The following EYS variants were observed in gnomAD, a reference collection of about 807,000 sequenced individuals.
The protein encoded by EYS is EGF-like photoreceptor maintenance factor, also known as protein eyes shut homolog.
EYS carries 250 observed loss-of-function variants against 282.1 expected under a neutral mutation model. The observed-to-expected ratio is 0.89, with a 90% CI of 0.80 to 0.98. The LOEUF (loss-of-function observed/expected upper bound fraction) is 0.98, where lower values mean the gene tolerates loss of function less well. Among genes scored for constraint, EYS ranks in the 50% least tolerant of loss-of-function variants. The probability of loss-of-function intolerance (pLI) is 0.00; values close to 1 mark genes in which losing one functional copy is unlikely to be tolerated. For missense variants in EYS, 4,016 were observed against 3,709.0 expected (o/e 1.08, Z -2.15); for synonymous variants, 1,355 against 1,282.9 (o/e 1.06, Z -1.20).
At chr6:64,196,735 G>A (rs1765300437) in intron 31 of EYS, among the ~76,000 whole-genome samples, 1 of 146,678 alleles carries the variant, frequency 6.8e-6, no homozygotes, top group Non-Finnish European at 1.5e-5. Flanking sequence ...CACACTCTGG[G>A]GACTGTGGTG....
intron 26 of EYS, among the ~76,000 whole-genome samples, chr6:64,542,331 T>A (rs2149799796): frequency 6.6e-6 from 1 of 152,218 alleles, no homozygotes; most frequent in South Asian, 2.1e-4. Context: ...GCTTACCAAT[T>A]TATTATTCTG....
In EYS at chr6:63,721,335, C is replaced by G; in HGVS notation, c.8696G>C (p.Cys2899Ser). ...TCCAGCCCAATCTGGCAAACATCTG[C>G]AAGAAAAAGTTGTGCCATTTACTGT... ...ECTVNGTTFS[C>S]RCLPDWAGNT... is the part of the protein sequence containing the mutation. Residue 2899 changes from cysteine to serine, a missense_variant, in exon 43 of 43, where the codon TGC becomes TCC. Physicochemically the swap from Cys to Ser is moderately radical, Grantham distance 112 (BLOSUM62 -1). Coordinates refer to ENST00000503581, the MANE Select transcript of EYS (RefSeq NM_001142800.2). 6.4e-7 allele frequency: 1 copy of G among 1,551,972 alleles called. No individual in the cohort carries two copies. The highest frequency in any genetic ancestry group is 2.4e-5 in the East Asian group (1 of 40,920).
chr6:65,365,298 C>G (rs12204984), intron 8 of EYS, among the ~76,000 whole-genome samples: 29,665 of 151,562 alleles, frequency 0.2, 3,800 homozygotes, highest in Non-Finnish European at 0.27. Flanking sequence ...TTTGGCCCTC[C>G]ATCTGCCTGC....
At chr6:64,333,414 G>A (rs771808495) in intron 29 of EYS, among the ~76,000 whole-genome samples, 6 of 152,128 alleles carry the variant, frequency 3.9e-5, no homozygotes, top group Non-Finnish European at 4.4e-5. Context: ...GTCAGCAGCA[G>A]AGCCACCAAG....
intron 11 of EYS, among the ~76,000 whole-genome samples, chr6:65,320,636 A>T (rs1445552658): frequency 1.3e-5 from 2 of 152,212 alleles, no homozygotes; most frequent in Admixed American, 6.5e-5. Context: ...GTAGAAACAG[A>T]GAAGTGCATC....
intron 10 of EYS, among the ~76,000 whole-genome samples, chr6:65,336,606 T>C (rs921143663): frequency 1.3e-5 from 2 of 148,404 alleles, no homozygotes; most frequent in South Asian, 2.1e-4. Context: ...GAAAATCTAT[T>C]TGTGGTTTTG....
Position 63,762,427 on chromosome 6 carries a change from G to C in EYS, c.8071+34C>G, listed in dbSNP as rs748277036. ...GAAGTTCCTAATTTTAGTTATATTTGTGGACAGCAAAATGATTTGAAATTC... is the reference window on the plus strand; with the variant it reads ...GAAGTTCCTAATTTTAGTTATATTTCTGGACAGCAAAATGATTTGAAATTC... On this transcript the variant is annotated intron_variant, in intron 41 of 42. Coordinates refer to ENST00000503581, the MANE Select transcript of EYS (RefSeq NM_001142800.2). 8.4e-6 allele frequency: 13 copies of C among 1,540,116 alleles called. No homozygotes were observed. In the Admixed American group the frequency reaches 1.6e-4, roughly 19 times the overall value.
chr6:64,745,834 G>A (rs1486496131), intron 22 of EYS, among the ~76,000 whole-genome samples: 1 of 152,102 alleles, frequency 6.6e-6, no homozygotes, highest in Non-Finnish European at 1.5e-5. Flanking sequence ...TCTAAGTGTA[G>A]AGAAGAATCA....
intron 5 of EYS, among the ~76,000 whole-genome samples, chr6:65,414,692 A>G (rs975815592): frequency 6.6e-6 from 1 of 152,122 alleles, no homozygotes; most frequent in South Asian, 2.1e-4. Flanking sequence ...ATTTCAAGAT[A>G]TTTATTACAC....
rs138881828 is a variant in EYS at position 65,682,665 on chromosome 6, G to T, written c.-448+24470C>A. Reference sequence around the variant, plus strand: ...AAGACACAGTAAATTCATGCTCTCCGGGAGCTCCAATATAGCAGCTAAATA... The same window carrying T: ...AAGACACAGTAAATTCATGCTCTCCTGGAGCTCCAATATAGCAGCTAAATA... On this transcript the variant is annotated intron_variant, in intron 1 of 42. Coordinates refer to ENST00000503581, the MANE Select transcript of EYS (RefSeq NM_001142800.2). Among the ~76,000 whole-genome samples the T allele has an allele frequency of 3.3e-3, 505 of 151,826 alleles. 3 individuals are homozygous for T. Among genetic ancestry groups the T allele is most frequent in the African/African-American group, 0.011 (473 of 41,452 alleles).
intron 36 of EYS, among the ~76,000 whole-genome samples, chr6:63,816,349 A>C (rs921195239): frequency 6.6e-6 from 1 of 152,202 alleles, no homozygotes; most frequent in Non-Finnish European, 1.5e-5. Flanking sequence ...CAGAAAACAT[A>C]ATGAAATAAA....
intron 12 of EYS, among the ~76,000 whole-genome samples, chr6:65,268,315 T>C (rs1307444089): frequency 6.6e-6 from 1 of 152,066 alleles, no homozygotes; most frequent in African/African-American, 2.4e-5. Context: ...CCCATGGTTT[T>C]GGTTGTAGAT....
rs193099239 is a variant in EYS at position 65,276,009 on chromosome 6, A to C, written c.2023+19854T>G. ...AAACAAAACAAACAAACAAACAAAC[A>C]AACAAGAAAACCTCATTTCATGGCA... is the stretch of plus-strand genomic sequence containing the variant. On this transcript the variant is annotated intron_variant, in intron 12 of 42. Coordinates refer to ENST00000503581, the MANE Select transcript of EYS (RefSeq NM_001142800.2). Among the ~76,000 whole-genome samples, 9 of 152,222 alleles carry C rather than the reference A, an allele frequency of 5.9e-5. 1 individual carries two copies. The highest frequency in any genetic ancestry group is 2.2e-4 in the African/African-American group (9 of 41,542).
chr6:65,497,540 AT>A (rs1766297603), intron 2 of EYS, among the ~76,000 whole-genome samples: 1 of 152,014 alleles, frequency 6.6e-6, no homozygotes, highest in Non-Finnish European at 1.5e-5. Flanking sequence ...AGGAATTACA[AT>A]TAAAGATAAG....
Position 64,738,528 on chromosome 6 carries a change from C to A in EYS, c.3443+74850G>T, listed in dbSNP as rs551737121. 2.8e-4 allele frequency among the ~76,000 whole-genome samples: 43 copies of A among 152,174 alleles called. 1 individual carries two copies. The highest frequency in any genetic ancestry group is 1.0e-3 in the African/African-American group (43 of 41,514). ...GCTCTTTATGGCAGTGAAAAACAGA[C>A]TAATGCAGGATAAAATATGTGTTGT... On this transcript the variant is annotated intron_variant, in intron 22 of 42. Transcript: ENST00000503581.
At chr6:65,416,932 G>T (rs1318912460) in intron 5 of EYS, among the ~76,000 whole-genome samples, 1 of 151,916 alleles carries the variant, frequency 6.6e-6, no homozygotes, top group East Asian at 1.9e-4. Context: ...GAAAATTGAA[G>T]AAAGACAGCT....
intron 12 of EYS, among the ~76,000 whole-genome samples, chr6:65,214,472 A>G (rs575298009): frequency 6.6e-6 from 1 of 152,318 alleles, no homozygotes; most frequent in South Asian, 2.1e-4. Context: ...AGGAAGCTAC[A>G]GAAGAAAAGT....
intron 30 of EYS, among the ~76,000 whole-genome samples, chr6:64,297,501 G>A (rs1329198339): frequency 2.0e-5 from 3 of 152,076 alleles, no homozygotes; most frequent in African/African-American, 7.2e-5. Context: ...AACTAAAGAC[G>A]AAGTGAAAAT....
chr6:63,842,098 T>G (rs527966711), intron 36 of EYS, among the ~76,000 whole-genome samples: 4 of 152,232 alleles, frequency 2.6e-5, no homozygotes, highest in African/African-American at 7.2e-5. Flanking sequence ...TATAGTAGAA[T>G]GATTTATCAT....
Sources: gnomAD v4.1 joint callset for allele counts (sites outside exome capture counted in the v4.1 genomes callset) on GRCh38, gnomAD v4.1.1 for gene constraint, MANE v1.5 for transcripts, NCBI Gene and HGNC (gene_info 2026-07-23, HGNC 2026-07-21) for gene names.